CCDC178: variants seen among roughly 807,000 people sequenced by gnomAD.
CCDC178 encodes the protein coiled-coil domain containing 178, also known as coiled-coil domain-containing protein 178.
In CCDC178, 126 loss-of-function variants were observed where a neutral mutation model predicts 117.4. That is an observed-to-expected ratio of 1.07 (90% CI 0.93 to 1.24). CCDC178 has a LOEUF of 1.24. CCDC178 is among the 50% of genes most tolerant of loss of function. The pLI, the probability that CCDC178 is intolerant of heterozygous loss-of-function variation, is 0.00. For synonymous variants in CCDC178, 283 were observed against 313.4 expected, an observed-to-expected ratio of 0.90 and a Z score of 1.02; for missense variants, 1,030 against 986.9, an observed-to-expected ratio of 1.04 and a Z score of -0.59.
At position 33,215,542 on chromosome 18, in the gene CCDC178, GTACT is replaced by G. The variant is rs757965966; in HGVS notation, c.2078+4_2078+7del. 225 of 1,274,886 alleles carry G rather than the reference GTACT, an allele frequency of 1.8e-4. No individual in the cohort carries two copies. Among genetic ancestry groups the G allele is most frequent in the Non-Finnish European group, 2.2e-4 (206 of 949,578 alleles). The allele number at this position is 1,274,886 out of a possible 1,614,324, so 79.0% of individuals were successfully genotyped here. ...AACTTCATATTTTGATAAAGTTTAA[GTACT>G]TACTTTAATATTTCAAGTGTCTGAT... On this transcript the variant is annotated splice_donor_5th_base_variant and intron_variant, in intron 19 of 22. Transcript: ENST00000383096.
intron 20 of CCDC178, among the ~76,000 whole-genome samples, chr18:33,147,868 A>G (rs1178672218): frequency 6.6e-6 from 1 of 152,106 alleles, no homozygotes; most frequent in Non-Finnish European, 1.5e-5. Flanking sequence ...CCCGTTCTCA[A>G]TGAGCTGTTG....
chr18:33,199,083 T>A (rs191471147), intron 20 of CCDC178, among the ~76,000 whole-genome samples: 26 of 152,162 alleles, frequency 1.7e-4, no homozygotes, highest in Non-Finnish European at 3.4e-4. Context: ...TAAACAAGCT[T>A]AGCTATATTT....
intron 20 of CCDC178, among the ~76,000 whole-genome samples, chr18:33,173,767 G>A (rs185189296): frequency 1.3e-5 from 2 of 152,294 alleles, no homozygotes; most frequent in Non-Finnish European, 2.9e-5. Flanking sequence ...GGTATACAGA[G>A]TTCTCTCTTC....
chr18:32,981,338 C>T (rs749112881), intron 21 of CCDC178, among the ~76,000 whole-genome samples: 7 of 151,698 alleles, frequency 4.6e-5, no homozygotes, highest in East Asian at 1.9e-4. Flanking sequence ...TAATTAACCA[C>T]GAGGAAGGAG....
chr18:33,203,641 A>G (rs1471017526), intron 20 of CCDC178, among the ~76,000 whole-genome samples: 3 of 152,168 alleles, frequency 2.0e-5, no homozygotes, highest in African/African-American at 7.2e-5. Context: ...GCCTCAGTCA[A>G]TCTTTTCAAA....
rs2063905981 is a variant in CCDC178 at position 33,414,538 on chromosome 18, CA to C, written c.-22-2429del. ...CTGGATCCCTTCCTTACACCTTATA[CA>C]AAAATTAATTCAAGATGGATCAAAG... On this transcript the variant is annotated intron_variant, in intron 2 of 22. Transcript: ENST00000383096. Among the ~76,000 whole-genome samples, 4 of 152,236 alleles carry C rather than the reference CA, an allele frequency of 2.6e-5. 1 individual carries two copies. The South Asian group carries it at 8.3e-4, about 32-fold the overall frequency.
chr18:33,261,185 G>A (rs1429521779), intron 14 of CCDC178, among the ~76,000 whole-genome samples: 1 of 152,096 alleles, frequency 6.6e-6, no homozygotes, highest in East Asian at 1.9e-4. Context: ...CTGGGTTCAC[G>A]CCATTCTCCT....
chr18:33,296,098 T>C (rs561069672), intron 11 of CCDC178, among the ~76,000 whole-genome samples: 1 of 152,050 alleles, frequency 6.6e-6, no homozygotes, highest in African/African-American at 2.4e-5. Flanking sequence ...TCTCATTCAG[T>C]GATAAAAAAG....
At chr18:33,152,557 G>T (rs1388748776) in intron 20 of CCDC178, among the ~76,000 whole-genome samples, 1 of 151,986 alleles carries the variant, frequency 6.6e-6, no homozygotes, top group African/African-American at 2.4e-5. Flanking sequence ...AAAAGATCAT[G>T]TAAGGGAATG....
chr18:33,379,663 G>A (rs2063415075), intron 5 of CCDC178, among the ~76,000 whole-genome samples: 1 of 152,116 alleles, frequency 6.6e-6, no homozygotes, highest in Admixed American at 6.6e-5. Flanking sequence ...TCCGCAAGGT[G>A]ATGGAGGGTG....
chr18:33,144,931 C>T (rs1053496332), intron 20 of CCDC178, among the ~76,000 whole-genome samples: 6 of 152,150 alleles, frequency 3.9e-5, no homozygotes, highest in Admixed American at 6.5e-5. Context: ...AAATTTCTTT[C>T]GAAGGCTATT....
At chr18:33,430,715 GACTTTTGCAAAACATAGTCTA>G (rs1038939470) in intron 2 of CCDC178, among the ~76,000 whole-genome samples, 1 of 152,098 alleles carries the variant, frequency 6.6e-6, no homozygotes, top group Non-Finnish European at 1.5e-5. Flanking sequence ...TGTGATGTTG[GACTTTTGCAAAACATAGTCTA>G]ACCTGTTCTA....
intron 21 of CCDC178, among the ~76,000 whole-genome samples, chr18:33,087,931 A>C (rs189900693): frequency 5.5e-4 from 84 of 152,302 alleles, no homozygotes; most frequent in Non-Finnish European, 9.7e-4. Context: ...CTGTGGTTGA[A>C]AGTTGATGAG....
intron 20 of CCDC178, among the ~76,000 whole-genome samples, chr18:33,159,023 T>G (rs556610726): frequency 1.2e-4 from 19 of 152,182 alleles, no homozygotes; most frequent in African/African-American, 4.6e-4. Context: ...TTTAATACTA[T>G]GCATAATAGA....
At chr18:33,051,820 T>C (rs537254259) in intron 21 of CCDC178, among the ~76,000 whole-genome samples, 90 of 152,318 alleles carry the variant, frequency 5.9e-4, no homozygotes, top group African/African-American at 2.1e-3. Context: ...TATATAAAAA[T>C]GCTGGTGAGG....
chr18:33,363,763 G>C (rs1325421744), intron 6 of CCDC178, among the ~76,000 whole-genome samples: 2 of 152,004 alleles, frequency 1.3e-5, no homozygotes, highest in Non-Finnish European at 2.9e-5. Flanking sequence ...ATCTGTTACA[G>C]AACATGTAAT....
intron 12 of CCDC178, among the ~76,000 whole-genome samples, chr18:33,280,540 T>C (rs1390061780): frequency 1.2e-4 from 18 of 151,714 alleles, no homozygotes; most frequent in Admixed American, 3.9e-4. Context: ...TGGAAGTCAG[T>C]GTGGCGATTC....
intron 20 of CCDC178, among the ~76,000 whole-genome samples, chr18:33,178,082 C>T (rs2058685344): frequency 6.6e-6 from 1 of 151,946 alleles, no homozygotes; most frequent in South Asian, 2.1e-4. Flanking sequence ...AATATTTGTC[C>T]CTAGGATCCA....
chr18:33,248,463 C>T (rs929524753), intron 14 of CCDC178, among the ~76,000 whole-genome samples: 3 of 149,706 alleles, frequency 2.0e-5, no homozygotes, highest in Non-Finnish European at 4.5e-5. Flanking sequence ...GTTCCCCTTC[C>T]TGTGTCGAGT....
Sources: allele counts gnomAD v4.1 joint callset (sites outside exome capture counted in the v4.1 genomes callset), GRCh38; gene constraint gnomAD v4.1.1; transcripts MANE v1.5; gene names NCBI Gene and HGNC (gene_info 2026-07-23, HGNC 2026-07-21).